Variants in RAB27B observed in about 807,000 individuals in gnomAD.
The protein encoded by RAB27B is RAB27B, member RAS oncogene family.
Under a neutral mutation model 24.6 loss-of-function variants are expected in RAB27B, and 15 were observed. The observed-to-expected ratio is 0.61, with a 90% CI of 0.41 to 0.94. The LOEUF (loss-of-function observed/expected upper bound fraction) is 0.94. Ranked by LOEUF, RAB27B falls within the 40% of genes least tolerant of loss-of-function variation. The pLI is 0.00. For synonymous variants in RAB27B, 105 were observed against 92.5 expected (o/e 1.14, Z -0.78); for missense variants, 261 against 266.8 (o/e 0.98, Z 0.15).
intron 1 of RAB27B, among the ~76,000 whole-genome samples, chr18:54,868,271 C>A (rs1568106371): frequency 1.3e-5 from 2 of 152,008 alleles, no homozygotes; most frequent in Admixed American, 1.3e-4. Context: ...TGTGTGGCAC[C>A]TCCCCCCTCA....
chr18:54,810,698 C>T (rs553288398), intron 2 of RAB27B, among the ~76,000 whole-genome samples: 22 of 151,908 alleles, frequency 1.4e-4, no homozygotes, highest in South Asian at 4.2e-4. Flanking sequence ...GGTGTGGTGG[C>T]GGGCACCTGT....
chr18:54,750,058 T>G (rs1297440459), intron 2 of RAB27B, among the ~76,000 whole-genome samples: 2 of 152,312 alleles, frequency 1.3e-5, no homozygotes, highest in East Asian at 3.9e-4. Context: ...GTACTTGAAC[T>G]AAAAAGATAA....
intron 2 of RAB27B, among the ~76,000 whole-genome samples, chr18:54,759,961 T>C (rs1908131219): frequency 6.6e-6 from 1 of 152,198 alleles, no homozygotes; most frequent in African/African-American, 2.4e-5. Flanking sequence ...AATTTGTTCC[T>C]GCAACCTGAT....
chr18:54,793,547 G>A (rs1568068001), intron 2 of RAB27B, among the ~76,000 whole-genome samples: 2 of 152,172 alleles, frequency 1.3e-5, no homozygotes, highest in African/African-American at 4.8e-5. Context: ...AGGGGCGTTT[G>A]GACCAGATAG....
chr18:54,787,831 G>A (rs1909136466), intron 2 of RAB27B, among the ~76,000 whole-genome samples: 1 of 151,956 alleles, frequency 6.6e-6, no homozygotes, highest in Non-Finnish European at 1.5e-5. Context: ...ACATGCCTAA[G>A]TTAAGTGTTC....
chr18:54,784,536 C>T, intron 2 of RAB27B, among the ~76,000 whole-genome samples: 1 of 152,166 alleles, frequency 6.6e-6, no homozygotes, highest in Non-Finnish European at 1.5e-5. Context: ...CAGTGTTTAA[C>T]TCCCGCTTGT....
chr18:54,874,345 A>C (rs1164063239), intron 1 of RAB27B, among the ~76,000 whole-genome samples: 1 of 152,200 alleles, frequency 6.6e-6, no homozygotes, highest in African/African-American at 2.4e-5. Context: ...TGACTCATTT[A>C]TCAATTAATC....
At chr18:54,755,040 C>T (rs965730530) in intron 2 of RAB27B, among the ~76,000 whole-genome samples, 1 of 152,146 alleles carries the variant, frequency 6.6e-6, no homozygotes, top group African/African-American at 2.4e-5. Context: ...ATTTTCAGAA[C>T]ACAGCATATT....
At chr18:54,758,065 A>G (rs1463789955) in intron 2 of RAB27B, among the ~76,000 whole-genome samples, 3 of 152,090 alleles carry the variant, frequency 2.0e-5, no homozygotes, top group Non-Finnish European at 4.4e-5. Flanking sequence ...TATTAGGTGT[A>G]AGATCAATGC....
intron 2 of RAB27B, among the ~76,000 whole-genome samples, chr18:54,786,041 C>CCTTCTTCTCCTTTTCTACTTTCT (rs1909073858): frequency 1.3e-5 from 2 of 152,142 alleles, no homozygotes; most frequent in African/African-American, 4.8e-5. Flanking sequence ...TCTGTCTCAT[C>CCTTCTTCTCCTTTTCTACTTTCT]CTTCTTCTCC....
chr18:54,790,019 T>C (rs1344552964), intron 2 of RAB27B, among the ~76,000 whole-genome samples: 1 of 152,110 alleles, frequency 6.6e-6, no homozygotes, highest in Non-Finnish European at 1.5e-5. Context: ...ATAGCTCTTG[T>C]TAGTCACAGC....
At chr18:54,856,434 A>G (rs1290892888) in intron 1 of RAB27B, among the ~76,000 whole-genome samples, 1 of 152,218 alleles carries the variant, frequency 6.6e-6, no homozygotes, top group African/African-American at 2.4e-5. Context: ...GTTTGATAGG[A>G]AGCCACTGGA....
chr18:54,819,588 G>T (rs1291374228), intron 2 of RAB27B, among the ~76,000 whole-genome samples: 2 of 149,462 alleles, frequency 1.3e-5, no homozygotes, highest in Non-Finnish European at 3.0e-5. Flanking sequence ...TAATTATAAG[G>T]TTTATTTATT....
chr18:54,819,692 A>T (rs1261682309), intron 2 of RAB27B, among the ~76,000 whole-genome samples: 1 of 152,046 alleles, frequency 6.6e-6, no homozygotes, highest in Admixed American at 6.5e-5. Flanking sequence ...ACATATGTAT[A>T]CATGTGCCAT....
chr18:54,840,957 G>C (rs566123350), intron 1 of RAB27B, among the ~76,000 whole-genome samples: 29 of 152,092 alleles, frequency 1.9e-4, no homozygotes, highest in African/African-American at 6.7e-4. Flanking sequence ...GACCAGCCTG[G>C]CCAACATGGT....
At chr18:54,860,537 C>T (rs1911971439) in intron 1 of RAB27B, among the ~76,000 whole-genome samples, 3 of 152,144 alleles carry the variant, frequency 2.0e-5, no homozygotes, top group Admixed American at 6.5e-5. Flanking sequence ...TTCTGCCCAC[C>T]CCACCAAACA....
upstream of RAB27B, chr18:54,828,118 C>T (rs1244744199): frequency 6.6e-6 from 1 of 152,216 alleles, no homozygotes; most frequent in Non-Finnish European, 1.5e-5. Flanking sequence ...TCCCCACTCG[C>T]AATCCCTCGC....
chr18:54,747,881 G>T (rs1910303288), intron 2 of RAB27B, among the ~76,000 whole-genome samples: 1 of 152,236 alleles, frequency 6.6e-6, no homozygotes, highest in East Asian at 1.9e-4. Flanking sequence ...ACCAAGGAAG[G>T]CAGGTCACTT....
intron 1 of RAB27B, among the ~76,000 whole-genome samples, chr18:54,847,923 C>T (rs546411259): frequency 7.2e-5 from 11 of 152,246 alleles, no homozygotes; most frequent in Non-Finnish European, 1.0e-4. Flanking sequence ...TCACAAATCC[C>T]TTAGGCCCAG....
Sources: allele counts gnomAD v4.1 joint callset (sites outside exome capture counted in the v4.1 genomes callset), GRCh38; gene constraint gnomAD v4.1.1; transcripts MANE v1.5; gene names NCBI Gene and HGNC (gene_info 2026-07-23, HGNC 2026-07-21).